HIVEP3: variants seen among roughly 807,000 people sequenced by gnomAD.
HIVEP3 encodes the protein HIVEP zinc finger 3.
Under a neutral mutation model 152.8 loss-of-function variants are expected in HIVEP3, and 49 were observed. That is an observed-to-expected ratio of 0.32 (90% confidence interval 0.26 to 0.41). The LOEUF (loss-of-function observed/expected upper bound fraction) is 0.41, where lower values mean the gene tolerates loss of function less well. Among genes scored for constraint, HIVEP3 ranks in the 10% least tolerant of loss-of-function variants. HIVEP3 has a pLI of 1.00. For missense variants in HIVEP3, 2,790 were observed against 3,103.3 expected, an observed-to-expected ratio of 0.90 and a Z score of 2.40; for synonymous variants, 1,269 against 1,289.0, an observed-to-expected ratio of 0.98 and a Z score of 0.33.
At position 41,643,253 on chromosome 1, in the gene HIVEP3, G is replaced by A. The variant is rs144661732; in HGVS notation, c.-720-14306C>T. ...GCCATCAGAAACCCAGATCCCCTAGGAAGGTGCTGGAGTGTCTCTCTTCTC... is the reference window on the plus strand; with the variant it reads ...GCCATCAGAAACCCAGATCCCCTAGAAAGGTGCTGGAGTGTCTCTCTTCTC... On this transcript the variant is annotated intron_variant, in intron 2 of 8. Coordinates refer to ENST00000372583, the MANE Select transcript of HIVEP3 (RefSeq NM_024503.5). Among the ~76,000 whole-genome samples the A allele has an allele frequency of 3.3e-3, 508 of 152,302 alleles. 5 individuals carry two copies. The highest frequency in any genetic ancestry group is 0.033 in the South Asian group (161 of 4,830).
intron 1 of HIVEP3, among the ~76,000 whole-genome samples, chr1:41,710,915 C>T (rs932170196): frequency 1.3e-5 from 2 of 152,248 alleles, no homozygotes; most frequent in South Asian, 2.1e-4. Context: ...AGGGCCTTAT[C>T]GTATAGTCAC....
rs116529417 is a variant in HIVEP3, at chr1:41,509,505, C to T, written c.*946G>A. 0.056 allele frequency: 8,487 copies of T among 152,274 alleles called. 277 individuals carry two copies. The highest frequency in any genetic ancestry group is 0.073 in the Non-Finnish European group (4,936 of 68,030). The allele number at this position is 152,274 out of a possible 1,614,324, so 9.4% of individuals were successfully genotyped here. ...TAGGGCTCGGGCCCTGCCACTTCTG[C>T]CTTTGTGGGTGGTTTGGTGGTTTTA... On this transcript the variant is annotated 3_prime_UTR_variant, in exon 9 of 9. Transcript: ENST00000372583.
rs115556531 is a variant in HIVEP3 at position 42,011,989 on chromosome 1, T to A, written n.119+23818A>T. Among the ~76,000 whole-genome samples, 373 of 152,200 alleles carry A rather than the reference T, an allele frequency of 2.5e-3. 2 individuals carry two copies. The highest frequency in any genetic ancestry group is 8.6e-3 in the African/African-American group (359 of 41,522). ...GAAACAACAAGAATGGGAAGTGACATAGGGATGTCCCTGCTCCTCTCACCC... is the reference window on the plus strand; with the variant it reads ...GAAACAACAAGAATGGGAAGTGACAAAGGGATGTCCCTGCTCCTCTCACCC... On this transcript the variant is annotated intron_variant and non_coding_transcript_variant, in intron 1 of 3. Coordinates refer to the HIVEP3 transcript ENST00000489103.
chr1:41,911,765 A>C (rs1288299942), intron 1 of HIVEP3, among the ~76,000 whole-genome samples: 1 of 152,344 alleles, frequency 6.6e-6, no homozygotes, highest in East Asian at 1.9e-4. Flanking sequence ...TCCAGGACGA[A>C]ACATTTAACA....
intron 1 of HIVEP3, among the ~76,000 whole-genome samples, chr1:42,014,353 C>T (rs190567850): frequency 6.6e-6 from 1 of 152,128 alleles, no homozygotes; most frequent in Admixed American, 6.5e-5. Flanking sequence ...GAGAAAGTCA[C>T]GCGGCTCCAG....
chr1:41,654,618 A>G (rs1645603222), intron 2 of HIVEP3, among the ~76,000 whole-genome samples: 1 of 152,234 alleles, frequency 6.6e-6, no homozygotes, highest in Non-Finnish European at 1.5e-5. Context: ...ACATTGGTAC[A>G]TTACTAGTAA....
At chr1:41,915,019 T>A (rs1306812785) in intron 1 of HIVEP3, among the ~76,000 whole-genome samples, 1 of 152,212 alleles carries the variant, frequency 6.6e-6, no homozygotes, top group Non-Finnish European at 1.5e-5. Context: ...AGTTCTCAAT[T>A]TCAACAGCAG....
intron 6 of HIVEP3, among the ~76,000 whole-genome samples, chr1:41,519,417 C>T (rs1179685001): frequency 2.6e-5 from 4 of 152,190 alleles, no homozygotes; most frequent in Admixed American, 6.5e-5. Flanking sequence ...TGGACAGGAG[C>T]GTTCTAGGAA....
intron 1 of HIVEP3, among the ~76,000 whole-genome samples, chr1:41,718,120 T>C (rs1047857892): frequency 3.3e-5 from 5 of 152,280 alleles, no homozygotes; most frequent in Middle Eastern, 6.8e-3. Context: ...ATATGGGAAA[T>C]TGGCAGGGCC....
chr1:41,649,477 T>C (rs1019287366), intron 2 of HIVEP3, among the ~76,000 whole-genome samples: 1 of 152,260 alleles, frequency 6.6e-6, no homozygotes, highest in Admixed American at 6.5e-5. Context: ...GTTTGTTAAA[T>C]ACACGAATCC....
intron 2 of HIVEP3, among the ~76,000 whole-genome samples, chr1:41,644,687 T>C (rs895609067): frequency 1.5e-5 from 2 of 133,030 alleles, no homozygotes; most frequent in Non-Finnish European, 3.2e-5. Flanking sequence ...CACTTGCATA[T>C]CTGTTCTTTT....
At chr1:41,632,107 A>G (rs1024221085) in intron 2 of HIVEP3, among the ~76,000 whole-genome samples, 2 of 152,182 alleles carry the variant, frequency 1.3e-5, no homozygotes, top group African/African-American at 4.8e-5. Flanking sequence ...AACAGCATCC[A>G]CTGTGCTCAG....
rs1553243825 is a variant in HIVEP3 at position 41,653,043 on chromosome 1, G to GGA, written c.-720-24097_-720-24096insTC. On this transcript the variant is annotated intron_variant, in intron 2 of 8. Transcript: ENST00000372583. Reference sequence around the variant, plus strand: ...AAAAGAAATTAAGCTAACAAAGTGGGAAAAAATGTGAGAAACTGACATGCT... The same window carrying GGA: ...AAAAGAAATTAAGCTAACAAAGTGGGGAAAAAAATGTGAGAAACTGACATGCT... 5.3e-5 allele frequency among the ~76,000 whole-genome samples: 8 copies of GGA among 151,738 alleles called. No homozygotes were observed. The South Asian group carries it at 1.2e-3, about 24-fold the overall frequency.
intron 3 of HIVEP3, among the ~76,000 whole-genome samples, chr1:41,603,855 T>C (rs35329209): frequency 0.094 from 14,243 of 152,296 alleles, 728 homozygotes; most frequent in Middle Eastern, 0.18. Flanking sequence ...GTCTATAGTG[T>C]TGTTCGAGTC....
At chr1:41,683,332 T>C (rs893669262) in intron 2 of HIVEP3, among the ~76,000 whole-genome samples, 3 of 152,182 alleles carry the variant, frequency 2.0e-5, no homozygotes, top group African/African-American at 7.2e-5. Flanking sequence ...GGCACTGGCA[T>C]ATGACATAAT....
intron 1 of HIVEP3, among the ~76,000 whole-genome samples, chr1:41,865,123 A>AT (rs1643945225): frequency 6.6e-6 from 1 of 152,050 alleles, no homozygotes; most frequent in South Asian, 2.1e-4. Context: ...ACTTGGATCT[A>AT]TTTTTTTTAT....
intron 1 of HIVEP3, among the ~76,000 whole-genome samples, chr1:41,897,938 G>GGAGAGAGAGAGAGAGAGAGAGA (rs71065103): frequency 7.7e-6 from 1 of 130,000 alleles, no homozygotes; most frequent in African/African-American, 3.0e-5. Flanking sequence ...TGAGAGAGAG[G>GGAGAGAGAGAGAGAGAGAGAGA]GAGAGAGAGA....
At chr1:41,520,596 T>C (rs1015802041) in intron 6 of HIVEP3, among the ~76,000 whole-genome samples, 1 of 152,188 alleles carries the variant, frequency 6.6e-6, no homozygotes, top group Non-Finnish European at 1.5e-5. Context: ...CACCCTACCC[T>C]GACTACCCCA....
intron 1 of HIVEP3, among the ~76,000 whole-genome samples, chr1:42,014,690 G>T (rs967708864): frequency 6.6e-6 from 1 of 152,136 alleles, no homozygotes; most frequent in Non-Finnish European, 1.5e-5. Context: ...AAGTTACTGA[G>T]TGATATCCAA....
Sources: gnomAD v4.1 joint callset for allele counts (sites outside exome capture counted in the v4.1 genomes callset) on GRCh38, gnomAD v4.1.1 for gene constraint, MANE v1.5 for transcripts, NCBI Gene and HGNC (gene_info 2026-07-23, HGNC 2026-07-21) for gene names.